STAB2: variants seen among roughly 807,000 people sequenced by gnomAD.
The protein encoded by STAB2 is stabilin-2.
A neutral mutation model predicts 338.1 loss-of-function variants in STAB2; 288 were observed. The ratio of observed to expected loss-of-function variants is 0.85; its 90% CI spans 0.77 to 0.94. The LOEUF (loss-of-function observed/expected upper bound fraction) is 0.94, where lower values mean the gene tolerates loss of function less well. Ranked by LOEUF, STAB2 falls within the 40% of genes least tolerant of loss-of-function variation. The pLI is 0.00. For missense variants in STAB2, 3,141 were observed against 3,210.1 expected (o/e 0.98, Z 0.52); for synonymous variants, 1,202 against 1,193.3 (o/e 1.01, Z -0.15).
intron 20 of STAB2, chr12:103,669,199 TC>T: frequency 3.3e-6 from 1 of 299,544 alleles, no homozygotes; most frequent in Non-Finnish European, 6.3e-6. Context: ...TACTTTGTTT[TC>T]CCAGCACTCA....
rs139184837 is a variant in STAB2, at chr12:103,655,516, G to A, written c.1669G>A (p.Val557Ile). 1.2e-6 allele frequency: 2 copies of A among 1,613,750 alleles called. No homozygotes were observed. The highest frequency in any genetic ancestry group is 2.7e-5 in the African/African-American group (2 of 74,836). Reference sequence around the variant, plus strand: ...AGTTGGTGGACCATACACCATTTTTGTTCCAAATAATGAAGCATTGAATAA... The same window carrying A: ...AGTTGGTGGACCATACACCATTTTTATTCCAAATAATGAAGCATTGAATAA... ...DGVGGPYTIF[V>I]PNNEALNNMK... is the part of the protein sequence containing the mutation. The change falls in exon 15 of 69, where the codon GTT (valine) becomes ATT (isoleucine). Residue 557 changes from valine to isoleucine, a missense_variant. Coordinates refer to ENST00000388887, the MANE Select transcript of STAB2 (RefSeq NM_017564.10).
chr12:103,655,200 TA>T, intron 13 of STAB2, 50 bp from the exon 14 acceptor site: 1 of 1,521,328 alleles, frequency 6.6e-7, no homozygotes, highest in Non-Finnish European at 9.0e-7. Flanking sequence ...TTGTATTTCC[TA>T]AATCACAATA....
rs141983549 is a variant in STAB2, at chr12:103,711,498, C to T, written c.4316C>T (p.Thr1439Ile). The change falls in exon 40 of 69, where the codon ACA (threonine) becomes ATA (isoleucine). Residue 1439 changes from threonine to isoleucine, a missense_variant. Physicochemically the swap from Thr to Ile is moderately conservative, Grantham distance 89. Coordinates refer to ENST00000388887, the MANE Select transcript of STAB2 (RefSeq NM_017564.10). ...NATTEDNCNG[T>I]CHTSANCLTN... ...ACCACAGAAGACAACTGCAATGGGA[C>T]ATGCCATACCAGCGCCAAGTAGGTA... The T allele has an allele frequency of 5.0e-6, 8 of 1,614,020 alleles. No homozygotes were observed. The highest frequency in any genetic ancestry group is 5.9e-6 in the Non-Finnish European group (7 of 1,180,034).
intron 19 of STAB2, 142 bp downstream of exon 19, chr12:103,666,495 G>C (rs577460848): frequency 1.2e-6 from 1 of 817,992 alleles, no homozygotes; most frequent in South Asian, 1.6e-5. Context: ...TACTATATGG[G>C]GGATGGTAGA....
chr12:103,620,371 C>T, intron 3 of STAB2, 97 bp from the exon 4 acceptor site: 1 of 1,148,780 alleles, frequency 8.7e-7, no homozygotes, highest in South Asian at 1.5e-5. Context: ...TTTCTTATCC[C>T]TGGCAACTAG....
intron 18 of STAB2, 44 bp from the exon 19 acceptor site, chr12:103,666,247 C>T: frequency 6.3e-7 from 1 of 1,597,934 alleles, no homozygotes; most frequent in Non-Finnish European, 8.6e-7. Context: ...CCACTGCTCC[C>T]TCTCATAGGG....
At chr12:103,765,090 A>C (rs1462520902) in intron 68 of STAB2, among the ~76,000 whole-genome samples, 5 of 79,040 alleles carry the variant, frequency 6.3e-5, no homozygotes, top group African/African-American at 2.2e-4. Flanking sequence ...CTGTCTCAAA[A>C]AAAAAAAAAA....
At chr12:103,614,493 T>C (rs1294204451) in intron 3 of STAB2, among the ~76,000 whole-genome samples, 1 of 152,232 alleles carries the variant, frequency 6.6e-6, no homozygotes, top group Non-Finnish European at 1.5e-5. Context: ...AAAGTGGCTT[T>C]AAGTCAGTGT....
intron 53 of STAB2, among the ~76,000 whole-genome samples, chr12:103,738,623 G>A (rs1320842150): frequency 1.3e-5 from 2 of 151,806 alleles, no homozygotes; most frequent in Admixed American, 6.6e-5. Flanking sequence ...CTACAACAGG[G>A]GTCTTCTTAA....
chr12:103,703,375 A>G (rs1005077501), intron 35 of STAB2, 99 bp downstream of exon 35: 54 of 1,436,534 alleles, frequency 3.8e-5, no homozygotes, highest in Non-Finnish European at 5.0e-5. Context: ...AGGTGTATCA[A>G]TTCAGTCCAT....
intron 22 of STAB2, among the ~76,000 whole-genome samples, chr12:103,672,068 G>A (rs1863878): frequency 0.3 from 45,955 of 151,854 alleles, 7,360 homozygotes; most frequent in South Asian, 0.44. Context: ...CCATAATTTC[G>A]GGCTTTTGGC....
At chr12:103,626,229 T>C (rs1957379238) in intron 5 of STAB2, among the ~76,000 whole-genome samples, 1 of 152,200 alleles carries the variant, frequency 6.6e-6, no homozygotes, top group East Asian at 1.9e-4. Context: ...GCACCTGAAA[T>C]GGGGCTAGTG....
Position 103,739,476 on chromosome 12 carries a change from A to G in STAB2, c.5754+8A>G, listed in dbSNP as rs1194546198. ...AGGTGGAGTAAACCAAAGGTAATTA[A>G]GACTGCAGTGATAATGTTTGGAGAG... On this transcript the variant is annotated splice_region_variant and intron_variant, in intron 54 of 68. Transcript: ENST00000388887. The G allele has an allele frequency of 6.3e-7, 1 of 1,581,060 alleles. No individual in the cohort carries two copies.
At chr12:103,647,413 CTG>C (rs1873417179) in intron 9 of STAB2, among the ~76,000 whole-genome samples, 1 of 152,190 alleles carries the variant, frequency 6.6e-6, no homozygotes, top group South Asian at 2.1e-4. Flanking sequence ...CACTGCAAAA[CTG>C]TGATGTAGTC....
Position 103,654,665 on chromosome 12 carries a change from C to A in STAB2, c.1518C>A (p.Asp506Glu). The part of the protein sequence containing the change: ...GLLHILDRAM[D>E]KLEPTFESNN... ...TGCACATCCTTGACAGAGCCATGGA[C>A]AAGTTAGAACCCACATTTGAGAGCA... The change falls in exon 13 of 69, where the codon GAC becomes GAA. Residue 506 changes from aspartate (D) to glutamate (E), a missense_variant. By Grantham distance (45) the Asp-to-Glu change is conservative. Transcript: ENST00000388887. 1 of 1,614,074 alleles carries A rather than the reference C, an allele frequency of 6.2e-7. No individual in the cohort carries two copies. Among genetic ancestry groups the A allele is most frequent in the East Asian group, 2.2e-5 (1 of 44,888 alleles).
intron 25 of STAB2, among the ~76,000 whole-genome samples, chr12:103,678,460 G>A (rs1006489600): frequency 1.3e-4 from 20 of 152,338 alleles, no homozygotes; most frequent in African/African-American, 4.8e-4. Flanking sequence ...AACTTGATGA[G>A]ATATTAAAGC....
chr12:103,722,224 T>A (rs1169173050), intron 44 of STAB2, among the ~76,000 whole-genome samples: 1 of 152,104 alleles, frequency 6.6e-6, no homozygotes, highest in Admixed American at 6.5e-5. Flanking sequence ...GAGGAAGAAG[T>A]ACTTACGGAG....
At chr12:103,666,207 G>A (rs1244146400) in intron 18 of STAB2, 84 bp from the exon 19 acceptor site, 10 of 1,351,202 alleles carry the variant, frequency 7.4e-6, no homozygotes, top group African/African-American at 2.9e-5. Flanking sequence ...TCACAGGGAG[G>A]GAAGCATGAA....
At chr12:103,714,461 A>C (rs757840580) in intron 42 of STAB2, among the ~76,000 whole-genome samples, 3 of 152,190 alleles carry the variant, frequency 2.0e-5, no homozygotes, top group Non-Finnish European at 4.4e-5. Flanking sequence ...GCACTTTGGG[A>C]GACCAAGGCA....
Sources: allele counts gnomAD v4.1 joint callset (sites outside exome capture counted in the v4.1 genomes callset), GRCh38; gene constraint gnomAD v4.1.1; transcripts MANE v1.5; gene names NCBI Gene and HGNC (gene_info 2026-07-23, HGNC 2026-07-21).